Variants in DARS2 observed in about 807,000 individuals in gnomAD.
DARS2 encodes the protein aspartate--tRNA ligase, mitochondrial.
Under a neutral mutation model 83.0 loss-of-function variants are expected in DARS2, and 63 were observed. That is an observed-to-expected ratio of 0.76 (90% CI 0.62 to 0.94). The LOEUF is 0.94. DARS2 is among the 40% of genes least tolerant of loss of function. The pLI is 0.00. For missense variants in DARS2, 675 were observed against 774.4 expected (o/e 0.87, Z 1.52); for synonymous variants, 250 against 269.3 (o/e 0.93, Z 0.70).
chr1:173,826,696 G>C lies in DARS2; in HGVS notation c.137G>C (p.Ser46Thr). The C allele has an allele frequency of 2.5e-6, 4 of 1,592,376 alleles. No homozygotes were observed. Among genetic ancestry groups the C allele is most frequent in the Non-Finnish European group, 2.6e-6 (3 of 1,169,540 alleles). Residue 46 changes from serine (S) to threonine (T), a missense_variant, in exon 2 of 17, where the codon AGC becomes ACC. Physicochemically the swap from Ser to Thr is moderately conservative, Grantham distance 58 (BLOSUM62 1). Coordinates refer to ENST00000649689, the MANE Select transcript of DARS2 (RefSeq NM_018122.5). ...TTTTTTTTTTTTAAAGAATTCAGTA[G>C]CTTTGTTGTCCGGACCAACACATGT... Reference protein sequence around the residue: ...SSQRRIPEFSSFVVRTNTCGE... With the variant: ...SSQRRIPEFSTFVVRTNTCGE...
chr1:173,837,562 C>G (rs1482070662), intron 8 of DARS2, among the ~76,000 whole-genome samples: 2 of 151,808 alleles, frequency 1.3e-5, no homozygotes, highest in Non-Finnish European at 2.9e-5. Context: ...TTCACTTTGG[C>G]CAAAGCAAAA....
At chr1:173,838,788 T>C (rs1557858115) in intron 9 of DARS2, among the ~76,000 whole-genome samples, 1 of 152,090 alleles carries the variant, frequency 6.6e-6, no homozygotes. Flanking sequence ...CAGGCTGGAG[T>C]GCAGTGGCGC....
intron 11 of DARS2, among the ~76,000 whole-genome samples, chr1:173,842,638 A>C (rs1423303121): frequency 6.6e-6 from 1 of 150,964 alleles, no homozygotes; most frequent in Non-Finnish European, 1.5e-5. Context: ...ATATTCAGTA[A>C]AAAGTAATTT....
At chr1:173,828,720 T>C (rs1557853856) in intron 3 of DARS2, among the ~76,000 whole-genome samples, 1 of 152,148 alleles carries the variant, frequency 6.6e-6, no homozygotes, top group Non-Finnish European at 1.5e-5. Context: ...ACACATTAGA[T>C]TGACAACACA....
At position 173,828,404 on chromosome 1, in the gene DARS2, T is replaced by C. The variant is rs367664745; in HGVS notation, c.294+5T>C. ...GTTATCATTCCCCAGGATGAGGTAATAGAAAATTTCCTGTTATTATCTAAA... is the reference window on the plus strand; with the variant it reads ...GTTATCATTCCCCAGGATGAGGTAACAGAAAATTTCCTGTTATTATCTAAA... On this transcript the variant is annotated splice_donor_5th_base_variant and intron_variant, in intron 3 of 16. Coordinates refer to ENST00000649689, the MANE Select transcript of DARS2 (RefSeq NM_018122.5). 223 of 1,610,338 alleles carry C rather than the reference T, an allele frequency of 1.4e-4. No homozygotes were observed. The highest frequency in any genetic ancestry group is 1.8e-4 in the Non-Finnish European group (216 of 1,177,782).
At chr1:173,853,619 G>C in intron 14 of DARS2, 52 bp downstream of exon 14, 2 of 1,602,086 alleles carry the variant, frequency 1.2e-6, no homozygotes, top group Non-Finnish European at 1.7e-6. Context: ...TAAAGGCAAA[G>C]AACTTCAGAC....
intron 13 of DARS2, among the ~76,000 whole-genome samples, chr1:173,851,354 G>A (rs1175797687): frequency 6.6e-6 from 1 of 152,088 alleles, no homozygotes; most frequent in East Asian, 1.9e-4. Flanking sequence ...AGATTAAGGG[G>A]TAGTGAAATT....
chr1:173,856,756 C>T lies in DARS2; in HGVS notation c.1750+15C>T. On this transcript the variant is annotated intron_variant, in intron 16 of 16. Transcript: ENST00000649689. ...AATTGCCTTAGGTAAACAACTTTTC[C>T]TTTTATAAGATAAACTGAATTCCAT... The T allele has an allele frequency of 1.2e-6, 2 of 1,610,424 alleles. No homozygotes were observed. Among genetic ancestry groups the T allele is most frequent in the Non-Finnish European group, 1.7e-6 (2 of 1,176,908 alleles).
intron 11 of DARS2, among the ~76,000 whole-genome samples, chr1:173,842,758 C>T (rs1653278594): frequency 6.6e-6 from 1 of 150,646 alleles, no homozygotes; most frequent in South Asian, 2.1e-4. Context: ...GCCAACATGG[C>T]GAAACCCTGT....
chr1:173,840,470 G>A (rs1653163601), intron 10 of DARS2, among the ~76,000 whole-genome samples: 1 of 152,196 alleles, frequency 6.6e-6, no homozygotes. Context: ...GACCTCAGGT[G>A]ATCTGCCCAC....
intron 15 of DARS2, 73 bp from the exon 16 acceptor site, chr1:173,856,593 C>T: frequency 7.5e-7 from 1 of 1,338,140 alleles, no homozygotes. Flanking sequence ...TCCCCTTTAT[C>T]ATCTAAGCCT....
intron 3 of DARS2, among the ~76,000 whole-genome samples, chr1:173,828,940 G>A (rs1464950974): frequency 6.6e-6 from 1 of 151,770 alleles, no homozygotes; most frequent in Non-Finnish European, 1.5e-5. Context: ...CTTTTTAACG[G>A]AAAAAAATTG....
intron 12 of DARS2, among the ~76,000 whole-genome samples, chr1:173,849,249 T>G (rs1489880637): frequency 1.3e-5 from 2 of 151,562 alleles, no homozygotes; most frequent in African/African-American, 2.4e-5. Flanking sequence ...AAAAGCTGGT[T>G]GGGGCCGGGT....
At chr1:173,849,531 C>CAAA (rs574319538) in intron 12 of DARS2, among the ~76,000 whole-genome samples, 5,914 of 73,744 alleles carry the variant, frequency 0.08, 481 homozygotes, top group African/African-American at 0.23. Context: ...GACTCCATCT[C>CAAA]AAAAAAAAAA....
chr1:173,827,238 C>G (rs572076234), intron 2 of DARS2, among the ~76,000 whole-genome samples: 1 of 152,068 alleles, frequency 6.6e-6, no homozygotes, highest in Non-Finnish European at 1.5e-5. Flanking sequence ...AGATCAGAGC[C>G]CATTTTTTGT....
chr1:173,836,839 A>C, intron 7 of DARS2, 101 bp from the exon 8 acceptor site: 2 of 955,914 alleles, frequency 2.1e-6, no homozygotes, highest in African/African-American at 1.6e-5. Flanking sequence ...TTAGTCATTC[A>C]TTGATAAACT....
chr1:173,837,273 A>T (rs910309207), intron 8 of DARS2, among the ~76,000 whole-genome samples: 4 of 115,758 alleles, frequency 3.5e-5, no homozygotes, highest in Admixed American at 1.6e-4. Context: ...GAGGGGATTT[A>T]AAAAAAAAAA....
Position 173,834,554 on chromosome 1 carries a change from G to C in DARS2, c.663+35G>C. The C allele has an allele frequency of 3.3e-6, 5 of 1,501,092 alleles. 1 individual carries two copies. Among genetic ancestry groups the C allele is most frequent in the Non-Finnish European group, 4.6e-6 (5 of 1,078,088 alleles). 93.0% of individuals were successfully genotyped at this position (1,501,092 alleles called of 1,614,324 possible). ...TTCCTTCAATCAGTCTATTAATAAT[G>C]TCCTATTAGTTATAAAGCTAGACTA... On this transcript the variant is annotated intron_variant, in intron 7 of 16. Transcript: ENST00000649689.
In DARS2 at chr1:173,853,581, A is replaced by T; in HGVS notation, c.1563+14A>T. 2 of 1,613,662 alleles carry T rather than the reference A, an allele frequency of 1.2e-6. No homozygotes were observed. The highest frequency in any genetic ancestry group is 1.7e-6 in the Non-Finnish European group (2 of 1,179,626). ...GAGCCCAAAAAGGTACCGTATCTATACTTCCAAATCAAAAGGAAATGTGTA... is the reference window on the plus strand; with the variant it reads ...GAGCCCAAAAAGGTACCGTATCTATTCTTCCAAATCAAAAGGAAATGTGTA... On this transcript the variant is annotated intron_variant, in intron 14 of 16. Transcript: ENST00000649689.
Sources: gnomAD v4.1 joint callset for allele counts (sites outside exome capture counted in the v4.1 genomes callset) on GRCh38, gnomAD v4.1.1 for gene constraint, MANE v1.5 for transcripts, NCBI Gene and HGNC (gene_info 2026-07-23, HGNC 2026-07-21) for gene names.